The following FBXO38 variants were observed in gnomAD, a reference collection of about 807,000 sequenced individuals.
FBXO38 encodes F-box only protein 38.
A neutral mutation model predicts 131.9 loss-of-function variants in FBXO38; 53 were observed. The ratio of observed to expected loss-of-function variants is 0.40; its 90% CI spans 0.32 to 0.51. FBXO38 has a LOEUF of 0.51. Ranked by LOEUF, FBXO38 falls within the 20% of genes least tolerant of loss-of-function variation. FBXO38 has a pLI of 0.53. For synonymous variants in FBXO38, 452 were observed against 505.6 expected (o/e 0.89, Z 1.42); for missense variants, 1,076 against 1,475.6 (o/e 0.73, Z 4.44).
chr5:148,406,581 A>G (rs896734787), intron 7 of FBXO38, among the ~76,000 whole-genome samples, 187 bp downstream of exon 7: 1 of 152,182 alleles, frequency 6.6e-6, no homozygotes, highest in African/African-American at 2.4e-5. Flanking sequence ...TTTGGTGCAC[A>G]TTAAACTTTC....
chr5:148,391,733 A>C (rs542607721), intron 1 of FBXO38, among the ~76,000 whole-genome samples: 68 of 152,304 alleles, frequency 4.5e-4, no homozygotes, highest in African/African-American at 1.5e-3. Context: ...TTGCTTGGCC[A>C]TGTATATTGT....
At chr5:148,389,569 C>G (rs773679070) in intron 1 of FBXO38, among the ~76,000 whole-genome samples, 4 of 152,128 alleles carry the variant, frequency 2.6e-5, no homozygotes, top group Non-Finnish European at 5.9e-5. Flanking sequence ...CTCTGCATTA[C>G]TGAGTTTCTC....
At chr5:148,439,261 A>G (rs1754532550) in intron 18 of FBXO38, among the ~76,000 whole-genome samples, 1 of 152,216 alleles carries the variant, frequency 6.6e-6, no homozygotes, top group Non-Finnish European at 1.5e-5. Flanking sequence ...ATTCTCTCTT[A>G]AAGACTGGGC....
intron 1 of FBXO38, among the ~76,000 whole-genome samples, chr5:148,392,349 A>G (rs1178079527): frequency 6.6e-6 from 1 of 152,208 alleles, no homozygotes; most frequent in Admixed American, 6.5e-5. Flanking sequence ...ACAATTCAGG[A>G]ATTCAGTAAA....
At chr5:148,437,800 G>A (rs1754431165) in intron 17 of FBXO38, among the ~76,000 whole-genome samples, 1 of 151,982 alleles carries the variant, frequency 6.6e-6, no homozygotes, top group African/African-American at 2.4e-5. Context: ...TTAATGTTCT[G>A]TGTCTACACT....
In FBXO38 at chr5:148,420,127, G is replaced by GT. The variant is rs71001489; in HGVS notation, c.1618+2938dup. On this transcript the variant is annotated intron_variant, in intron 12 of 21. Coordinates refer to ENST00000340253, the MANE Select transcript of FBXO38 (RefSeq NM_205836.3). ...TAAATGATTACAGTTTTTTTGTGGG[G>GT]TTTTTTTTTTTTTTTGAGACAGAGT... is the stretch of plus-strand genomic sequence containing the variant. Among the ~76,000 whole-genome samples the GT allele has an allele frequency of 7.5e-3, 1,061 of 141,446 alleles. 5 individuals carry two copies. The highest frequency in any genetic ancestry group is 0.012 in the Non-Finnish European group (751 of 64,410). 92.8% of individuals were successfully genotyped at this position (141,446 alleles called of 152,430 possible).
chr5:148,424,873 A>G (rs1244596935), intron 13 of FBXO38, among the ~76,000 whole-genome samples: 1 of 152,222 alleles, frequency 6.6e-6, no homozygotes, highest in Non-Finnish European at 1.5e-5. Flanking sequence ...TCCTTGGAGC[A>G]TACGTTTATT....
chr5:148,422,214 A>G (rs2113610288), intron 12 of FBXO38, among the ~76,000 whole-genome samples: 2 of 152,344 alleles, frequency 1.3e-5, no homozygotes. Flanking sequence ...CCTTAGAATA[A>G]GATCCAGCTT....
At chr5:148,402,633 A>T in intron 5 of FBXO38, 120 bp downstream of exon 5, 1 of 870,616 alleles carries the variant, frequency 1.1e-6, no homozygotes, top group Non-Finnish European at 1.7e-6. Flanking sequence ...ATTGCAAAAT[A>T]AATGTTTGCA....
chr5:148,389,471 TC>T (rs558332590), intron 1 of FBXO38, among the ~76,000 whole-genome samples: 226 of 152,302 alleles, frequency 1.5e-3, no homozygotes, highest in African/African-American at 5.1e-3. Context: ...CAGCAAGACT[TC>T]CTCCAAGTCA....
intron 3 of FBXO38, among the ~76,000 whole-genome samples, chr5:148,400,609 G>A (rs1752088143): frequency 2.0e-5 from 3 of 152,086 alleles, no homozygotes; most frequent in Admixed American, 2.0e-4. Context: ...TGCCACCTTG[G>A]CCTATTATCT....
chr5:148,427,765 G>C lies in FBXO38; in HGVS notation c.2471G>C (p.Gly824Ala). ...AFSFRTLPQG[G>A]SSGPAHDERT... Reference sequence around the variant, plus strand: ...TCCTTTAGGACTCTGCCACAAGGGGGGTCTTCAGGCCCAGCACATGATGAG... The same window carrying C: ...TCCTTTAGGACTCTGCCACAAGGGGCGTCTTCAGGCCCAGCACATGATGAG... The change falls in exon 15 of 22, where the codon GGG becomes GCG. Residue 824 changes from glycine (G) to alanine (A), a missense_variant. Transcript: ENST00000340253. 1 of 1,612,184 alleles carries C rather than the reference G, an allele frequency of 6.2e-7. No individual in the cohort carries two copies. Among genetic ancestry groups the C allele is most frequent in the South Asian group, 1.1e-5 (1 of 90,776 alleles).
At chr5:148,419,021 T>C (rs937347236) in intron 12 of FBXO38, among the ~76,000 whole-genome samples, 1 of 152,198 alleles carries the variant, frequency 6.6e-6, no homozygotes, top group African/African-American at 2.4e-5. Flanking sequence ...ATAAGCTATT[T>C]TGATTTAAGA....
chr5:148,438,992 T>A (rs752613496), intron 18 of FBXO38, among the ~76,000 whole-genome samples: 2 of 152,194 alleles, frequency 1.3e-5, no homozygotes, highest in Non-Finnish European at 2.9e-5. Flanking sequence ...TTTAAATGCC[T>A]CTTTGTAATC....
rs532564746 is a variant in FBXO38 at position 148,404,933 on chromosome 5, G to A, written c.730+111G>A. On this transcript the variant is annotated intron_variant, in intron 6 of 21. Coordinates refer to ENST00000340253, the MANE Select transcript of FBXO38 (RefSeq NM_205836.3). ...ATTATATTATGCTATTACTATTTAT[G>A]TCTTATAACATATTCATCTTGTGAA... 1.8e-4 allele frequency: 163 copies of A among 902,540 alleles called. No individual in the cohort carries two copies. The African/African-American group carries it at 2.7e-3, about 15-fold the overall frequency. The allele number at this position is 902,540 out of a possible 1,614,324, so 55.9% of individuals were successfully genotyped here.
At position 148,386,313 on chromosome 5, in the gene FBXO38, C is replaced by A. The variant is rs189868318; in HGVS notation, c.-64+2274C>A. ...TACTGTAACCTGGGAAGTCTGTATC[C>A]CAGCCTGAACCTTGACACTATTTAA... is the stretch of plus-strand genomic sequence containing the variant. On this transcript the variant is annotated intron_variant, in intron 1 of 21. Transcript: ENST00000340253. Among the ~76,000 whole-genome samples, 50 of 152,218 alleles carry A rather than the reference C, an allele frequency of 3.3e-4. 1 individual carries two copies. The highest frequency in any genetic ancestry group is 1.4e-3 in the Admixed American group (21 of 15,282).
intron 10 of FBXO38, chr5:148,415,460 C>T (rs1752997321): frequency 6.4e-6 from 1 of 155,892 alleles, no homozygotes; most frequent in South Asian, 1.9e-4. Flanking sequence ...ATATGTGTAG[C>T]ATTTAAAAAT....
In FBXO38 at chr5:148,406,288, A is replaced by G. The variant is rs1241932995; in HGVS notation, c.762A>G (p.Leu254=). The change falls in exon 7 of 22, where the codon TTA becomes TTG. Residue 254 remains leucine, a synonymous_variant. Transcript: ENST00000340253. Reference sequence around the variant, plus strand: ...CAAATTCCTTGAAATATGTCCCTTTAGTAACAGGCTTAGCCTCTGCCCGAA... The same window carrying G: ...CAAATTCCTTGAAATATGTCCCTTTGGTAACAGGCTTAGCCTCTGCCCGAA... ...GPTNSLKYVP[L]VTGLASARNL... is the part of the protein sequence containing the mutation. 5.6e-6 allele frequency: 9 copies of G among 1,593,874 alleles called. No individual in the cohort carries two copies. The highest frequency in any genetic ancestry group is 7.7e-6 in the Non-Finnish European group (9 of 1,171,980).
chr5:148,387,415 C>G (rs1453444536), intron 1 of FBXO38, among the ~76,000 whole-genome samples: 1 of 152,214 alleles, frequency 6.6e-6, no homozygotes, highest in Non-Finnish European at 1.5e-5. Flanking sequence ...TCCTCCACAT[C>G]TGCAGCGACT....
Sources: gnomAD v4.1 joint callset for allele counts (sites outside exome capture counted in the v4.1 genomes callset) on GRCh38, gnomAD v4.1.1 for gene constraint, MANE v1.5 for transcripts, NCBI Gene and HGNC (gene_info 2026-07-23, HGNC 2026-07-21) for gene names.